NSD1: variants seen among roughly 807,000 people sequenced by gnomAD.
NSD1 encodes the protein nuclear receptor binding SET domain protein 1, also known as histone-lysine N-methyltransferase, H3 lysine-36 specific.
Under a neutral mutation model 242.7 loss-of-function variants are expected in NSD1, and 26 were observed. The observed-to-expected ratio is 0.11, with a 90% CI of 0.08 to 0.15. The LOEUF (loss-of-function observed/expected upper bound fraction) is 0.15. Ranked by LOEUF, NSD1 falls within the 10% of genes least tolerant of loss-of-function variation. The probability of loss-of-function intolerance (pLI) is 1.00; values close to 1 mark genes in which losing one functional copy is unlikely to be tolerated. For missense variants in NSD1, 2,495 were observed against 3,272.8 expected (o/e 0.76, Z 5.80); for synonymous variants, 1,106 against 1,178.1 (o/e 0.94, Z 1.25).
chr5:177,208,355 G>T (rs2149840731), intron 4 of NSD1, among the ~76,000 whole-genome samples: 1 of 152,240 alleles, frequency 6.6e-6, no homozygotes, highest in Non-Finnish European at 1.5e-5. Flanking sequence ...AACATTTATA[G>T]TCGATTCTTG....
intron 5 of NSD1, among the ~76,000 whole-genome samples, chr5:177,217,572 A>G (rs1195564654): frequency 6.6e-6 from 1 of 151,976 alleles, no homozygotes; most frequent in Non-Finnish European, 1.5e-5. Flanking sequence ...TTCACTGTCA[A>G]GCATATTAGC....
intron 9 of NSD1, 50 bp from the exon 10 acceptor site, chr5:177,246,628 T>C (rs1766316355): frequency 1.7e-6 from 2 of 1,194,676 alleles, no homozygotes; most frequent in African/African-American, 3.0e-5. Flanking sequence ...TAAGAGATTT[T>C]GGACATGTGT....
In NSD1 at chr5:177,173,148, C is replaced by T. The variant is rs986903752; in HGVS notation, c.928-18736C>T. 4.6e-5 allele frequency among the ~76,000 whole-genome samples: 7 copies of T among 150,980 alleles called. No individual in the cohort carries two copies. The South Asian group carries it at 6.3e-4, about 14-fold the overall frequency. On this transcript the variant is annotated intron_variant, in intron 2 of 22. Coordinates refer to ENST00000439151, the MANE Select transcript of NSD1 (RefSeq NM_022455.5). ...TCTACTAAAAATACAAAAAATTAGC[C>T]GGGCGTGGTGGCAGGTGCCTGTAGT...
chr5:177,240,137 C>A (rs1765738921), intron 8 of NSD1, among the ~76,000 whole-genome samples: 1 of 152,082 alleles, frequency 6.6e-6, no homozygotes, highest in African/African-American at 2.4e-5. Context: ...GTTATAATTT[C>A]TTTTCTGGGT....
chr5:177,264,239 T>C (rs1757237830), intron 14 of NSD1, among the ~76,000 whole-genome samples: 1 of 151,914 alleles, frequency 6.6e-6, no homozygotes, highest in Admixed American at 6.6e-5. Flanking sequence ...GCAATATTTT[T>C]AATATAGCTA....
rs528106957 is a variant in NSD1 at position 177,280,861 on chromosome 5, C to T, written c.5892+27C>T. ...TTAGAAAAAGCTAAATTACCATATA[C>T]TTTCTCCTCTTTGCAGTTGCTTGAT... On this transcript the variant is annotated intron_variant, in intron 18 of 22. Transcript: ENST00000439151. 87 of 1,611,988 alleles carry T rather than the reference C, an allele frequency of 5.4e-5. No homozygotes were observed. The South Asian group carries it at 8.4e-4, about 16-fold the overall frequency.
chr5:177,203,104 T>C (rs1219533365), intron 3 of NSD1, among the ~76,000 whole-genome samples: 1 of 152,170 alleles, frequency 6.6e-6, no homozygotes, highest in Non-Finnish European at 1.5e-5. Flanking sequence ...TTCTGTGTTT[T>C]GAAATAAGAC....
chr5:177,285,519 GTGCCAC>G (rs1562297917), intron 20 of NSD1, among the ~76,000 whole-genome samples: 2 of 136,826 alleles, frequency 1.5e-5, no homozygotes, highest in Non-Finnish European at 3.0e-5. Context: ...AGCCGAGATC[GTGCCAC>G]TGCACTCTAG....
At chr5:177,280,319 G>A (rs1758774261) in intron 17 of NSD1, among the ~76,000 whole-genome samples, 1 of 152,122 alleles carries the variant, frequency 6.6e-6, no homozygotes, top group African/African-American at 2.4e-5. Flanking sequence ...ATATCGGCCA[G>A]GCTGGAGTGC....
intron 2 of NSD1, among the ~76,000 whole-genome samples, chr5:177,144,671 A>C (rs1757088972): frequency 6.6e-6 from 1 of 152,220 alleles, no homozygotes; most frequent in South Asian, 2.1e-4. Context: ...AAGGAGATCC[A>C]GTCTCTGAAA....
intron 19 of NSD1, 49 bp from the exon 20 acceptor site, chr5:177,283,738 C>T (rs755324458): frequency 2.5e-6 from 4 of 1,601,796 alleles, no homozygotes; most frequent in East Asian, 2.2e-5. Flanking sequence ...TTTTAATCCA[C>T]AGCAGAGGTC....
chr5:177,169,039 C>T (rs1759472081), intron 2 of NSD1, among the ~76,000 whole-genome samples: 1 of 152,152 alleles, frequency 6.6e-6, no homozygotes, highest in Non-Finnish European at 1.5e-5. Flanking sequence ...CCAATGCCGG[C>T]TGCAGGCACT....
At chr5:177,215,413 T>G (rs531407864) in intron 5 of NSD1, among the ~76,000 whole-genome samples, 2 of 152,240 alleles carry the variant, frequency 1.3e-5, no homozygotes, top group South Asian at 4.1e-4. Context: ...TGACCTCAGG[T>G]GGTCTGCCTG....
chr5:177,159,311 G>A (rs1386353835), intron 2 of NSD1, among the ~76,000 whole-genome samples: 2 of 150,568 alleles, frequency 1.3e-5, no homozygotes, highest in Non-Finnish European at 3.0e-5. Flanking sequence ...TTGAGACACA[G>A]TCTCACTCGG....
chr5:177,257,062 C>T lies in NSD1; in HGVS notation c.4877C>T (p.Thr1626Ile). ...HEECVQKYPP[T>I]VMQNKGFRCS... Reference sequence around the variant, plus strand: ...GAGTGTGTCCAGAAGTACCCACCCACTGTTATGCAGAACAAGGGCTTCCGG... The same window carrying T: ...GAGTGTGTCCAGAAGTACCCACCCATTGTTATGCAGAACAAGGGCTTCCGG... Residue 1626 changes from threonine (T) to isoleucine (I), a missense_variant, in exon 13 of 23, where the codon ACT (threonine) becomes ATT (isoleucine). By Grantham distance (89) the Thr-to-Ile change is moderately conservative. This residue lies in a region of NSD1 where 32 missense variants were observed against 46.9 expected (regional missense o/e 0.68). Transcript: ENST00000439151. The T allele has an allele frequency of 6.2e-7, 1 of 1,614,070 alleles. No homozygotes were observed. Among genetic ancestry groups the T allele is most frequent in the Non-Finnish European group, 8.5e-7 (1 of 1,179,978 alleles).
intron 12 of NSD1, among the ~76,000 whole-genome samples, chr5:177,252,659 CTCCCAACTCAGCT>C (rs1264813927): frequency 6.7e-6 from 1 of 148,190 alleles, no homozygotes; most frequent in Non-Finnish European, 1.5e-5. Flanking sequence ...TCAAGCAATC[CTCCCAACTCAGCT>C]TCCCAAGTAG....
At chr5:177,185,395 C>T (rs1321233865) in intron 2 of NSD1, among the ~76,000 whole-genome samples, 2 of 151,376 alleles carry the variant, frequency 1.3e-5, no homozygotes, top group African/African-American at 2.4e-5. Flanking sequence ...GTCAGGAGTT[C>T]GAGACCAGCC....
chr5:177,286,574 C>A (rs146959686), intron 20 of NSD1, among the ~76,000 whole-genome samples: 179 of 152,296 alleles, frequency 1.2e-3, no homozygotes, highest in African/African-American at 4.2e-3. Context: ...TGATATTATA[C>A]CTATGTTACT....
chr5:177,257,820 T>A (rs1756621356), intron 13 of NSD1, among the ~76,000 whole-genome samples: 1 of 144,752 alleles, frequency 6.9e-6, no homozygotes, highest in Admixed American at 7.0e-5. Context: ...GGCTTTTTTT[T>A]TATTTTATTT....
Sources: gnomAD v4.1 joint callset for allele counts (sites outside exome capture counted in the v4.1 genomes callset) on GRCh38, gnomAD v4.1.1 for gene constraint, gnomAD v4.1.1 regional missense constraint, MANE v1.5 for transcripts, NCBI Gene and HGNC (gene_info 2026-07-23, HGNC 2026-07-21) for gene names.